Variants in SKIC3 observed in about 807,000 individuals in gnomAD.
The protein encoded by SKIC3 is SKI3 subunit of superkiller complex.
chr5:95,476,582 T>A, the SKIC3 span, among the ~76,000 whole-genome samples: 3 of 152,234 alleles, frequency 2.0e-5, no homozygotes, highest in Non-Finnish European at 2.9e-5. Context: ...GATAGCACTT[T>A]AAGGTTTACA....
the SKIC3 span, among the ~76,000 whole-genome samples, chr5:95,508,847 AC>A: frequency 6.6e-6 from 1 of 152,232 alleles, no homozygotes; most frequent in African/African-American, 2.4e-5. Context: ...ATAAATAAAT[AC>A]ATAGTAGATA....
the SKIC3 span, chr5:95,543,293 G>A: frequency 1.2e-6 from 2 of 1,613,922 alleles, no homozygotes; most frequent in South Asian, 1.1e-5. Context: ...AAAAACCCAG[G>A]CATTATAGTT....
the SKIC3 span, chr5:95,516,303 T>C: frequency 1.2e-6 from 2 of 1,600,588 alleles, no homozygotes; most frequent in South Asian, 1.1e-5. Context: ...GAGACAATAA[T>C]ATAGAAAACA....
At chr5:95,514,938 C>T in the SKIC3 span, 10 of 1,610,450 alleles carry the variant, frequency 6.2e-6, no homozygotes, top group Non-Finnish European at 8.5e-6. Context: ...GAAAAAAAGG[C>T]AAAAAATATT....
chr5:95,506,962 C>G, the SKIC3 span: 2 of 1,613,208 alleles, frequency 1.2e-6, no homozygotes, highest in Admixed American at 3.3e-5. Context: ...TTTCTTATTG[C>G]AACATTGTAA....
the SKIC3 span, among the ~76,000 whole-genome samples, chr5:95,530,404 A>T: frequency 1.3e-5 from 2 of 152,326 alleles, no homozygotes; most frequent in South Asian, 2.1e-4. Flanking sequence ...TTAACATTTA[A>T]TTTAAATAAT....
the SKIC3 span, chr5:95,525,545 C>G: frequency 6.2e-7 from 1 of 1,613,828 alleles, no homozygotes; most frequent in South Asian, 1.1e-5. Context: ...AATAAAAATG[C>G]TTTTAACTCA....
the SKIC3 span, among the ~76,000 whole-genome samples, chr5:95,530,627 A>G: frequency 5.8e-4 from 88 of 152,308 alleles, no homozygotes; most frequent in African/African-American, 2.0e-3. Context: ...CATGTTAGTC[A>G]GATCCAGCAG....
At chr5:95,497,226 G>C in the SKIC3 span, among the ~76,000 whole-genome samples, 1 of 152,110 alleles carries the variant, frequency 6.6e-6, no homozygotes, top group South Asian at 2.1e-4. Context: ...ATCTAGAACA[G>C]CACAACCGTA....
At chr5:95,480,494 C>T in the SKIC3 span, among the ~76,000 whole-genome samples, 1 of 152,090 alleles carries the variant, frequency 6.6e-6, no homozygotes, top group Admixed American at 6.6e-5. Context: ...AAGTTAAAAT[C>T]ACTACAATAT....
At chr5:95,480,858 A>G in the SKIC3 span, among the ~76,000 whole-genome samples, 1 of 152,176 alleles carries the variant, frequency 6.6e-6, no homozygotes, top group South Asian at 2.1e-4. Context: ...AGTGAAAGTA[A>G]CCAGATACAA....
the SKIC3 span, among the ~76,000 whole-genome samples, chr5:95,470,951 A>C: frequency 6.6e-6 from 1 of 152,212 alleles, no homozygotes; most frequent in African/African-American, 2.4e-5. Flanking sequence ...CATAACCACA[A>C]GTATCTAAAA....
chr5:95,547,808 G>A, the SKIC3 span, among the ~76,000 whole-genome samples: 3 of 152,182 alleles, frequency 2.0e-5, no homozygotes, highest in African/African-American at 7.2e-5. Flanking sequence ...TTCAGTGACT[G>A]TGATATGAAA....
chr5:95,492,636 C>CAAAAAAA, the SKIC3 span, among the ~76,000 whole-genome samples: 5 of 14,126 alleles, frequency 3.5e-4, no homozygotes, highest in Non-Finnish European at 9.7e-4. Flanking sequence ...GACTCCGTCT[C>CAAAAAAA]AAAAAAAAAA....
chr5:95,470,527 A>G, the SKIC3 span, among the ~76,000 whole-genome samples: 5 of 152,224 alleles, frequency 3.3e-5, no homozygotes, highest in Non-Finnish European at 7.4e-5. Context: ...TACCAAATAT[A>G]CAAAACTCAA....
chr5:95,554,216 CAA>C, the SKIC3 span, among the ~76,000 whole-genome samples: 1 of 149,416 alleles, frequency 6.7e-6, no homozygotes, highest in African/African-American at 2.5e-5. Flanking sequence ...TTATCTTAGG[CAA>C]AAAAAAACCT....
chr5:95,493,524 T>C, the SKIC3 span, among the ~76,000 whole-genome samples: 1 of 152,164 alleles, frequency 6.6e-6, no homozygotes, highest in Non-Finnish European at 1.5e-5. Context: ...AATATATATA[T>C]AACATAGACA....
At chr5:95,494,048 C>G in the SKIC3 span, among the ~76,000 whole-genome samples, 1 of 151,988 alleles carries the variant, frequency 6.6e-6, no homozygotes, top group East Asian at 1.9e-4. Flanking sequence ...GCTAACTACA[C>G]GTAAAAATAT....
At chr5:95,554,876 A>G in the SKIC3 span, 1 of 175,146 alleles carries the variant, frequency 5.7e-6, no homozygotes, top group Non-Finnish European at 1.2e-5. Context: ...TCTTTCTCTA[A>G]GTACCATTTC....
Sources: gnomAD v4.1 joint callset for allele counts (sites outside exome capture counted in the v4.1 genomes callset) on GRCh38, gnomAD v4.1.1 for gene constraint, MANE v1.5 for transcripts, NCBI Gene and HGNC (gene_info 2026-07-23, HGNC 2026-07-21) for gene names.